Variants in TCAIM observed in about 807,000 individuals in gnomAD.
TCAIM encodes the protein T cell activation inhibitor, mitochondrial.
In TCAIM, 36 loss-of-function variants were observed where a neutral mutation model predicts 58.6. The ratio of observed to expected loss-of-function variants is 0.61; its 90% confidence interval spans 0.47 to 0.81. The LOEUF is 0.81. Ranked by LOEUF, TCAIM falls within the 30% of genes least tolerant of loss-of-function variation. The pLI is 0.00. For missense variants in TCAIM, 466 were observed against 579.6 expected (o/e 0.80, Z 2.01); for synonymous variants, 172 against 193.6 (o/e 0.89, Z 0.93).
intron 3 of TCAIM, chr3:44,358,399 C>A: frequency 3.2e-6 from 2 of 624,100 alleles, no homozygotes; most frequent in Non-Finnish European, 2.8e-6. Context: ...TACAGTCAGT[C>A]CTTCATATCC....
At chr3:44,357,902 A>T (rs1267435233) in intron 3 of TCAIM, 26 bp downstream of exon 3, 5 of 1,607,260 alleles carry the variant, frequency 3.1e-6, no homozygotes, top group Non-Finnish European at 4.2e-6. Context: ...TTTTTAAACC[A>T]TTAGTGTACA....
chr3:44,348,126 A>T (rs1701008099), intron 1 of TCAIM, among the ~76,000 whole-genome samples: 1 of 152,204 alleles, frequency 6.6e-6, no homozygotes, highest in Admixed American at 6.5e-5. Flanking sequence ...CACAACAGTT[A>T]TGGAGGCAAG....
chr3:44,392,998 TA>T, intron 6 of TCAIM, 21 bp downstream of exon 6: 1 of 1,588,530 alleles, frequency 6.3e-7, no homozygotes, highest in African/African-American at 1.4e-5. Context: ...AGAGAGAACC[TA>T]ATTTAGAAAT....
intron 5 of TCAIM, among the ~76,000 whole-genome samples, chr3:44,390,370 C>T (rs1335982606): frequency 6.6e-6 from 1 of 152,218 alleles, no homozygotes; most frequent in African/African-American, 2.4e-5. Flanking sequence ...TTAATGCCAG[C>T]ACTTTGGGAT....
intron 5 of TCAIM, among the ~76,000 whole-genome samples, chr3:44,374,420 T>C (rs4682971): frequency 0.47 from 71,144 of 151,946 alleles, 18,459 homozygotes; most frequent in East Asian, 0.81. Context: ...TGGTTCACTA[T>C]GTGAAATATT....
chr3:44,408,805 C>CCT lies in TCAIM; in HGVS notation c.*1123_*1124insCT, dbSNP rs1215862735. 2 of 152,188 alleles carry CCT rather than the reference C, an allele frequency of 1.3e-5. No individual in the cohort carries two copies. The highest frequency in any genetic ancestry group is 2.9e-5 in the Non-Finnish European group (2 of 68,028). The allele number at this position is 152,188 out of a possible 1,614,324, so 9.4% of individuals were successfully genotyped here. On this transcript the variant is annotated 3_prime_UTR_variant, in exon 11 of 11. Transcript: ENST00000342649. ...CGGCCTGGTTAAAGCCCCTCAGAGTCACCTCTCATTCATAGCAATAGAATT... is the reference window on the plus strand; with the variant it reads ...CGGCCTGGTTAAAGCCCCTCAGAGTCCTACCTCTCATTCATAGCAATAGAATT...
intron 10 of TCAIM, among the ~76,000 whole-genome samples, chr3:44,402,131 A>G (rs2125657382): frequency 6.6e-6 from 1 of 152,310 alleles, no homozygotes; most frequent in South Asian, 2.1e-4. Flanking sequence ...TAGGCCGTGC[A>G]CAGTGGCTCA....
chr3:44,394,044 T>C (rs1203735866), intron 6 of TCAIM, among the ~76,000 whole-genome samples: 1 of 152,240 alleles, frequency 6.6e-6, no homozygotes, highest in Non-Finnish European at 1.5e-5. Context: ...CCAGTCTTCA[T>C]GTTTAAACAT....
rs566862379 is a variant in TCAIM, at chr3:44,400,539, T to C, written c.1070T>C (p.Ile357Thr). The C allele has an allele frequency of 6.2e-7, 1 of 1,613,574 alleles. No individual in the cohort carries two copies. The highest frequency in any genetic ancestry group is 1.7e-5 in the Admixed American group (1 of 59,966). ...VFYNRLLKSRILFHPRSLRGL... is the reference protein window; with the variant it reads ...VFYNRLLKSRTLFHPRSLRGL... ...TATAATAGACTGTTGAAAAGTAGAA[T>C]ACTATTTCACCCTCGAAGTTTGCGT... is the stretch of plus-strand genomic sequence containing the variant. Residue 357 changes from isoleucine (I) to threonine (T), a missense_variant, in exon 9 of 11, where the codon ATA (isoleucine) becomes ACA (threonine). Physicochemically the swap from Ile to Thr is moderately conservative, Grantham distance 89 (BLOSUM62 -1). Transcript: ENST00000342649.
In TCAIM at chr3:44,350,271, A is replaced by T. The variant is rs974665299; in HGVS notation, c.-44-4468A>T. ...GGGGAGCTTCTGAGCCAGGAGAAGA[A>T]GTTTCACGAGGTAATGTCATCAGTT... is the stretch of plus-strand genomic sequence containing the variant. On this transcript the variant is annotated intron_variant, in intron 1 of 10. Transcript: ENST00000342649. Among the ~76,000 whole-genome samples, 6 of 152,112 alleles carry T rather than the reference A, an allele frequency of 3.9e-5. No homozygotes were observed. In the East Asian group the frequency reaches 7.7e-4, roughly 20 times the overall value.
intron 1 of TCAIM, among the ~76,000 whole-genome samples, chr3:44,347,540 G>A (rs532967769): frequency 2.6e-5 from 4 of 152,286 alleles, no homozygotes; most frequent in Admixed American, 2.6e-4. Flanking sequence ...ATGGGTGGTG[G>A]AGGGACGTAT....
chr3:44,407,441 G>C lies in TCAIM; in HGVS notation c.1251-1G>C. 6.7e-7 allele frequency: 1 copy of C among 1,498,676 alleles called. No individual in the cohort carries two copies. The highest frequency in any genetic ancestry group is 9.2e-7 in the Non-Finnish European group (1 of 1,083,520). 92.8% of individuals were successfully genotyped at this position (1,498,676 alleles called of 1,614,324 possible). ...CAATATTTTTATTTTCTATATAATAGGTTAAAGGTTATTGAAAATGAATTG... is the reference window on the plus strand; with the variant it reads ...CAATATTTTTATTTTCTATATAATACGTTAAAGGTTATTGAAAATGAATTG... On this transcript the variant is annotated splice_acceptor_variant, in intron 10 of 10. Coordinates refer to ENST00000342649, the MANE Select transcript of TCAIM (RefSeq NM_173826.4). LOFTEE classifies it high-confidence loss of function.
At chr3:44,366,004 A>T (rs893708758) in intron 4 of TCAIM, among the ~76,000 whole-genome samples, 23 of 152,158 alleles carry the variant, frequency 1.5e-4, no homozygotes, top group African/African-American at 3.4e-4. Context: ...ATAGTTTTTT[A>T]AAAAAGCGAA....
At chr3:44,406,533 T>A (rs1702104165) in intron 10 of TCAIM, among the ~76,000 whole-genome samples, 1 of 152,148 alleles carries the variant, frequency 6.6e-6, no homozygotes. Flanking sequence ...CTTAAGAAAG[T>A]GATCAGTATT....
chr3:44,361,644 T>G, intron 4 of TCAIM, 126 bp downstream of exon 4: 2 of 989,218 alleles, frequency 2.0e-6, no homozygotes, highest in Admixed American at 7.3e-5. Context: ...ATTTAATTGA[T>G]TGTTTTCCTA....
chr3:44,402,363 T>TCA (rs1439176033), intron 10 of TCAIM, among the ~76,000 whole-genome samples: 1 of 152,190 alleles, frequency 6.6e-6, no homozygotes, highest in Non-Finnish European at 1.5e-5. Context: ...TGAGCTGTGA[T>TCA]CACACCTCTG....
intron 4 of TCAIM, among the ~76,000 whole-genome samples, chr3:44,364,294 A>G (rs1701337281): frequency 6.6e-6 from 1 of 152,204 alleles, no homozygotes. Context: ...AAATGGGAGA[A>G]AAGATATAGC....
chr3:44,377,986 A>T (rs1211875926), intron 5 of TCAIM, among the ~76,000 whole-genome samples: 1 of 152,234 alleles, frequency 6.6e-6, no homozygotes, highest in African/African-American at 2.4e-5. Context: ...AAAAGAAACG[A>T]TATATCAACA....
At chr3:44,384,830 C>T (rs1054244892) in intron 5 of TCAIM, among the ~76,000 whole-genome samples, 13 of 152,196 alleles carry the variant, frequency 8.5e-5, no homozygotes, top group East Asian at 1.9e-4. Flanking sequence ...GCTTTGGTCA[C>T]GTCATTCCCC....
Sources: gnomAD v4.1 joint callset for allele counts (sites outside exome capture counted in the v4.1 genomes callset) on GRCh38, gnomAD v4.1.1 for gene constraint, MANE v1.5 for transcripts, NCBI Gene and HGNC (gene_info 2026-07-23, HGNC 2026-07-21) for gene names.